GPHN: variants seen among roughly 807,000 people sequenced by gnomAD.
GPHN encodes the protein gephyrin.
GPHN carries 17 observed loss-of-function variants against 95.5 expected under a neutral mutation model. The ratio of observed to expected loss-of-function variants is 0.18; its 90% CI spans 0.12 to 0.27. The LOEUF is 0.27. Among genes scored for constraint, GPHN ranks in the 10% least tolerant of loss-of-function variants. The pLI is 1.00. For missense variants in GPHN, 660 were observed against 978.1 expected, an observed-to-expected ratio of 0.67 and a Z score of 4.34; for synonymous variants, 320 against 322.5, an observed-to-expected ratio of 0.99 and a Z score of 0.08.
At chr14:67,097,638 T>C (rs1453042809) in intron 12 of GPHN, among the ~76,000 whole-genome samples, 1 of 152,188 alleles carries the variant, frequency 6.6e-6, no homozygotes, top group Non-Finnish European at 1.5e-5. Context: ...ATCATGCTTT[T>C]CATGACTCTC....
chr14:67,530,945 C>A, the GPHN span, among the ~76,000 whole-genome samples: 1 of 152,324 alleles, frequency 6.6e-6, no homozygotes, highest in South Asian at 2.1e-4. Context: ...CTAATACAAT[C>A]ATTGAAGGAC....
chr14:67,407,160 C>T, the GPHN span, among the ~76,000 whole-genome samples: 1 of 151,972 alleles, frequency 6.6e-6, no homozygotes, highest in Non-Finnish European at 1.5e-5. Context: ...CTTGCACTGT[C>T]GCCCGGGCTA....
chr14:67,569,777 G>T, the GPHN span: 2 of 648,294 alleles, frequency 3.1e-6, no homozygotes, highest in Admixed American at 2.4e-5. Context: ...AAGGGGAGAA[G>T]ATGAACAGGG....
At chr14:66,876,756 GC>G (rs1162125301) in intron 4 of GPHN, among the ~76,000 whole-genome samples, 1 of 152,068 alleles carries the variant, frequency 6.6e-6, no homozygotes, top group East Asian at 1.9e-4. Context: ...GTAATTAATA[GC>G]ATACCAACCA....
the GPHN span, chr14:67,613,356 TG>T: frequency 6.6e-6 from 1 of 152,030 alleles, no homozygotes; most frequent in Non-Finnish European, 1.5e-5. Context: ...AGCAATATGG[TG>T]AGATCCTGTC....
the GPHN span, among the ~76,000 whole-genome samples, chr14:67,354,787 A>G: frequency 2.0e-5 from 3 of 152,134 alleles, no homozygotes; most frequent in African/African-American, 7.2e-5. Context: ...TTTACTTTTT[A>G]CTACTATATT....
intron 1 of GPHN, among the ~76,000 whole-genome samples, chr14:66,526,382 C>T (rs2058693010): frequency 1.3e-5 from 2 of 152,132 alleles, no homozygotes; most frequent in African/African-American, 2.4e-5. Flanking sequence ...AGATTTTGGG[C>T]TGAGACGATG....
intron 2 of GPHN, among the ~76,000 whole-genome samples, chr14:66,769,725 A>G (rs1055656800): frequency 6.6e-6 from 1 of 152,030 alleles, no homozygotes; most frequent in African/African-American, 2.4e-5. Flanking sequence ...TATTCAGTCT[A>G]CCATTGATGG....
intron 2 of GPHN, among the ~76,000 whole-genome samples, chr14:66,733,541 T>C (rs1219018284): frequency 6.6e-6 from 1 of 152,210 alleles, no homozygotes; most frequent in Non-Finnish European, 1.5e-5. Context: ...CTTCTATTTC[T>C]TATGCTAGTT....
chr14:66,526,108 T>A (rs2058681096), intron 1 of GPHN, among the ~76,000 whole-genome samples: 1 of 151,856 alleles, frequency 6.6e-6, no homozygotes, highest in South Asian at 2.1e-4. Flanking sequence ...TGATTCTCCC[T>A]ATCCATTAGC....
At chr14:66,790,200 C>T (rs1315002530) in intron 3 of GPHN, among the ~76,000 whole-genome samples, 2 of 152,246 alleles carry the variant, frequency 1.3e-5, no homozygotes, top group East Asian at 3.9e-4. Flanking sequence ...CGCCAAACTG[C>T]CAATATTTCT....
intron 5 of GPHN, among the ~76,000 whole-genome samples, chr14:66,904,184 G>A (rs117673602): frequency 0.044 from 6,623 of 152,170 alleles, 190 homozygotes; most frequent in Middle Eastern, 0.068. Flanking sequence ...TAAAGGTGGC[G>A]TGGACCAAAA....
chr14:66,652,206 T>TG, intron 1 of GPHN, among the ~76,000 whole-genome samples: 1 of 152,272 alleles, frequency 6.6e-6, no homozygotes, highest in South Asian at 2.1e-4. Context: ...CCAAACATTG[T>TG]GGTTACCAGG....
chr14:66,590,686 C>T (rs1211037676), intron 1 of GPHN, among the ~76,000 whole-genome samples: 1 of 152,078 alleles, frequency 6.6e-6, no homozygotes, highest in African/African-American at 2.4e-5. Context: ...AAAAAATACC[C>T]AGGACCAGAC....
At chr14:66,829,287 C>T (rs933725334) in intron 4 of GPHN, among the ~76,000 whole-genome samples, 12 of 151,884 alleles carry the variant, frequency 7.9e-5, no homozygotes, top group African/African-American at 2.7e-4. Flanking sequence ...AGGGTTTCGC[C>T]ACATTGGCCA....
the GPHN span, chr14:67,204,641 C>T: frequency 6.2e-7 from 1 of 1,613,882 alleles, no homozygotes; most frequent in African/African-American, 1.3e-5. Flanking sequence ...CAGCTCTGCA[C>T]CTCTGCATAT....
At chr14:67,480,186 T>G in the GPHN span, among the ~76,000 whole-genome samples, 31 of 152,116 alleles carry the variant, frequency 2.0e-4, no homozygotes, top group Non-Finnish European at 3.8e-4. Flanking sequence ...CCCCTCCTGC[T>G]TTTACACCGC....
chr14:67,729,581 CTTTA>C, the GPHN span: 4 of 648,644 alleles, frequency 6.2e-6, no homozygotes, highest in Non-Finnish European at 1.1e-5. Context: ...GCTTTTCTGG[CTTTA>C]TTTTATACTC....
At chr14:67,564,562 A>G in the GPHN span, among the ~76,000 whole-genome samples, 1 of 151,966 alleles carries the variant, frequency 6.6e-6, no homozygotes, top group Non-Finnish European at 1.5e-5. Flanking sequence ...GGCTCAAGCA[A>G]TCCTCCTACT....
Sources: gnomAD v4.1 joint callset for allele counts (sites outside exome capture counted in the v4.1 genomes callset) on GRCh38, gnomAD v4.1.1 for gene constraint, MANE v1.5 for transcripts, NCBI Gene and HGNC (gene_info 2026-07-23, HGNC 2026-07-21) for gene names.